Variants in SDK1 observed in about 807,000 individuals in gnomAD.
SDK1 encodes the protein sidekick cell adhesion molecule 1, also known as protein sidekick-1.
In SDK1, 157 loss-of-function variants were observed where a neutral mutation model predicts 245.5. The ratio of observed to expected loss-of-function variants is 0.64; its 90% CI spans 0.56 to 0.73. The LOEUF (loss-of-function observed/expected upper bound fraction) is 0.73. Among genes scored for constraint, SDK1 ranks in the 30% least tolerant of loss-of-function variants. The probability of loss-of-function intolerance (pLI) is 0.00; values close to 1 mark genes in which losing one functional copy is unlikely to be tolerated. For synonymous variants in SDK1, 1,647 were observed against 1,278.5 expected (o/e 1.29, Z -6.15); for missense variants, 3,583 against 3,002.3 (o/e 1.19, Z -4.52).
At chr7:4,023,229 C>T (rs752902825) in intron 17 of SDK1, among the ~76,000 whole-genome samples, 1 of 152,116 alleles carries the variant, frequency 6.6e-6, no homozygotes, top group South Asian at 2.1e-4. Flanking sequence ...CTTTTCTTAT[C>T]CCCCTTCATC....
At chr7:3,559,930 T>G (rs912959267) in intron 1 of SDK1, among the ~76,000 whole-genome samples, 1 of 152,166 alleles carries the variant, frequency 6.6e-6, no homozygotes, top group African/African-American at 2.4e-5. Flanking sequence ...TGATGTTGAA[T>G]AAACTTAAAA....
At chr7:3,309,452 G>A (rs768237544) in intron 1 of SDK1, among the ~76,000 whole-genome samples, 12 of 150,434 alleles carry the variant, frequency 8.0e-5, no homozygotes, top group East Asian at 2.0e-4. Context: ...AGAGCAAGGC[G>A]AGTTTATAAT....
intron 1 of SDK1, among the ~76,000 whole-genome samples, chr7:3,505,785 A>G (rs1381602089): frequency 1.3e-5 from 2 of 152,154 alleles, no homozygotes; most frequent in Non-Finnish European, 2.9e-5. Context: ...TGACCTTTTG[A>G]GTATGCACAT....
At chr7:3,682,708 C>T (rs999646654) in intron 4 of SDK1, among the ~76,000 whole-genome samples, 11 of 134,992 alleles carry the variant, frequency 8.1e-5, no homozygotes, top group African/African-American at 2.8e-4. Flanking sequence ...TCAAATCAAG[C>T]GTTTGGATTT....
At chr7:3,715,293 C>G (rs1785167874) in intron 4 of SDK1, among the ~76,000 whole-genome samples, 1 of 152,078 alleles carries the variant, frequency 6.6e-6, no homozygotes, top group Non-Finnish European at 1.5e-5. Context: ...TGTATGTATC[C>G]ACTTACCAGA....
chr7:4,057,657 A>G (rs1779283955), intron 19 of SDK1, among the ~76,000 whole-genome samples: 1 of 152,114 alleles, frequency 6.6e-6, no homozygotes. Flanking sequence ...ATGTAAGGAC[A>G]GGCACACTCA....
intron 17 of SDK1, among the ~76,000 whole-genome samples, chr7:4,023,597 C>T (rs1234906249): frequency 6.6e-6 from 1 of 152,124 alleles, no homozygotes; most frequent in Non-Finnish European, 1.5e-5. Flanking sequence ...GGAAAAAATT[C>T]CGCGGAGTGT....
chr7:3,450,217 A>G (rs987255925), intron 1 of SDK1, among the ~76,000 whole-genome samples: 5 of 152,250 alleles, frequency 3.3e-5, no homozygotes, highest in African/African-American at 9.6e-5. Flanking sequence ...GAGATGATGT[A>G]TAGAGTTTGG....
chr7:3,657,786 A>C (rs902945951), intron 4 of SDK1, among the ~76,000 whole-genome samples: 7 of 152,114 alleles, frequency 4.6e-5, no homozygotes, highest in Admixed American at 3.3e-4. Context: ...CTAAATCTTC[A>C]CGACATGCTA....
At chr7:3,898,242 C>G (rs1781669884) in intron 5 of SDK1, among the ~76,000 whole-genome samples, 1 of 152,036 alleles carries the variant, frequency 6.6e-6, no homozygotes. Flanking sequence ...ATTGTAGGGC[C>G]GACAGTTGAC....
intron 1 of SDK1, among the ~76,000 whole-genome samples, chr7:3,342,709 C>G (rs1260058372): frequency 6.6e-6 from 1 of 152,088 alleles, no homozygotes; most frequent in African/African-American, 2.4e-5. Context: ...CAGTTAAAGA[C>G]TTTTTCTCCA....
chr7:4,180,259 C>A (rs1782517698), intron 35 of SDK1, among the ~76,000 whole-genome samples: 1 of 149,682 alleles, frequency 6.7e-6, no homozygotes, highest in African/African-American at 2.5e-5. Context: ...TGCCCGGCTC[C>A]AGCTCTATGC....
intron 13 of SDK1, among the ~76,000 whole-genome samples, chr7:3,977,822 G>A (rs907922624): frequency 3.9e-5 from 6 of 152,224 alleles, no homozygotes; most frequent in Admixed American, 2.6e-4. Flanking sequence ...TTGTATAACC[G>A]TTGTTCAATA....
intron 4 of SDK1, among the ~76,000 whole-genome samples, chr7:3,820,961 T>C (rs1779629607): frequency 6.6e-6 from 1 of 152,266 alleles, no homozygotes; most frequent in East Asian, 1.9e-4. Context: ...ACTGTGCCCA[T>C]TGGCGACTTT....
chr7:3,988,727 C>G (rs768700398), intron 14 of SDK1, among the ~76,000 whole-genome samples: 3 of 152,150 alleles, frequency 2.0e-5, no homozygotes, highest in Non-Finnish European at 2.9e-5. Flanking sequence ...TCCATTACCT[C>G]CACAAAGAAG....
chr7:3,520,753 A>G (rs1782912412), intron 1 of SDK1, among the ~76,000 whole-genome samples: 1 of 152,188 alleles, frequency 6.6e-6, no homozygotes, highest in African/African-American at 2.4e-5. Context: ...ACCAGCATTT[A>G]AAGAACCAGC....
At chr7:3,494,336 A>G (rs1224006187) in intron 1 of SDK1, among the ~76,000 whole-genome samples, 5 of 152,230 alleles carry the variant, frequency 3.3e-5, no homozygotes, top group Non-Finnish European at 7.3e-5. Context: ...CGGGTATCCT[A>G]CCTGGAACAG....
At chr7:3,519,693 A>T (rs1435362698) in intron 1 of SDK1, among the ~76,000 whole-genome samples, 1 of 152,168 alleles carries the variant, frequency 6.6e-6, no homozygotes, top group Non-Finnish European at 1.5e-5. Flanking sequence ...CGCATAAAAA[A>T]TATGTAGAGG....
chr7:3,929,034 A>G (rs1779880826), intron 5 of SDK1, among the ~76,000 whole-genome samples: 1 of 152,254 alleles, frequency 6.6e-6, no homozygotes, highest in South Asian at 2.1e-4. Flanking sequence ...ACCAGAGGAC[A>G]CATCAGACAC....
Sources: gnomAD v4.1 joint callset for allele counts (sites outside exome capture counted in the v4.1 genomes callset) on GRCh38, gnomAD v4.1.1 for gene constraint, MANE v1.5 for transcripts, NCBI Gene and HGNC (gene_info 2026-07-23, HGNC 2026-07-21) for gene names.